The following TRMT1 variants were observed in gnomAD, a reference collection of about 807,000 sequenced individuals.
TRMT1 encodes the protein tRNA methyltransferase 1, also known as tRNA (guanine(26)-N(2))-dimethyltransferase.
TRMT1 carries 63 observed loss-of-function variants against 75.4 expected under a neutral mutation model. The observed-to-expected ratio is 0.84, with a 90% CI of 0.68 to 1.03. The LOEUF is 1.03. Ranked by LOEUF, TRMT1 falls within the 50% of genes least tolerant of loss-of-function variation. TRMT1 has a pLI of 0.00. For synonymous variants in TRMT1, 382 were observed against 358.1 expected, an observed-to-expected ratio of 1.07 and a Z score of -0.75; for missense variants, 870 against 905.3, an observed-to-expected ratio of 0.96 and a Z score of 0.50.
rs1485253492 is a variant in TRMT1, at chr19:13,116,351, C to T, written c.49G>A (p.Val17Met). The T allele has an allele frequency of 1.9e-6, 3 of 1,612,916 alleles. No individual in the cohort carries two copies. The highest frequency in any genetic ancestry group is 1.3e-5 in the African/African-American group (1 of 75,020). ...WLSLTFRSAR[V>M]LSRARFFEWQ... ...TCGAAAAACCGGGCTCTAGAGAGCA[C>T]CCGGGCGGAGCGGAAAGTGAGGCTT... The change falls in exon 2 of 17, where the codon GTG becomes ATG. Residue 17 changes from valine (V) to methionine (M), a missense_variant. Val to Met is a conservative substitution (Grantham distance 21). Transcript: ENST00000357720.
chr19:13,114,984 TAGC>T (rs1394334108), intron 5 of TRMT1, among the ~76,000 whole-genome samples: 3 of 152,220 alleles, frequency 2.0e-5, no homozygotes, highest in Non-Finnish European at 4.4e-5. Flanking sequence ...GCCTGACACA[TAGC>T]AGACACTGGA....
intron 7 of TRMT1, 75 bp from the exon 8 acceptor site, chr19:13,110,381 C>G (rs999591249): frequency 4.7e-6 from 7 of 1,474,800 alleles, no homozygotes; most frequent in Non-Finnish European, 5.4e-6. Flanking sequence ...GTGGTACTCA[C>G]AAGTACAGGC....
intron 5 of TRMT1, among the ~76,000 whole-genome samples, chr19:13,113,566 T>C (rs1568372059): frequency 6.6e-6 from 1 of 152,178 alleles, no homozygotes; most frequent in Non-Finnish European, 1.5e-5. Flanking sequence ...AAGACGTATC[T>C]GCCTGACACC....
intron 14 of TRMT1, among the ~76,000 whole-genome samples, chr19:13,106,909 G>GC (rs1184140297): frequency 3.4e-5 from 5 of 148,994 alleles, no homozygotes; most frequent in East Asian, 2.0e-4. Flanking sequence ...TGCAAGCTCT[G>GC]CCCCCCGGGG....
In TRMT1 at chr19:13,105,030, G is replaced by T; in HGVS notation, c.1885C>A (p.Pro629Thr). The change falls in exon 17 of 17, where the codon CCC becomes ACC. Residue 629 changes from proline to threonine, a missense_variant. Pro to Thr is a conservative substitution (Grantham distance 38). Transcript: ENST00000357720. ...QCCYSHSPPT[P>T]RVSADAAPDC... ...GGGGCAGCATCAGCAGAAACCCTGG[G>T]TGTCGGGGGGCTGTGGGAGTAGCAG... 1 of 1,610,924 alleles carries T rather than the reference G, an allele frequency of 6.2e-7. No individual in the cohort carries two copies. Among genetic ancestry groups the T allele is most frequent in the Non-Finnish European group, 8.5e-7 (1 of 1,178,194 alleles).
chr19:13,112,042 G>A (rs184262272), intron 7 of TRMT1, among the ~76,000 whole-genome samples: 5 of 151,498 alleles, frequency 3.3e-5, no homozygotes, highest in East Asian at 3.9e-4. Flanking sequence ...CCAGGCTGGC[G>A]TGCAGCGGAG....
intron 7 of TRMT1, 66 bp from the exon 8 acceptor site, chr19:13,110,372 T>A: frequency 1.3e-6 from 2 of 1,507,858 alleles, no homozygotes; most frequent in South Asian, 2.5e-5. Flanking sequence ...GAGCCCTATG[T>A]GGTACTCACA....
intron 14 of TRMT1, among the ~76,000 whole-genome samples, chr19:13,106,618 G>A (rs2018880496): frequency 6.6e-6 from 1 of 151,574 alleles, no homozygotes; most frequent in Non-Finnish European, 1.5e-5. Context: ...TGGGACTACA[G>A]GCATGTGCCA....
At chr19:13,115,563 CT>C in intron 4 of TRMT1, 62 bp downstream of exon 4, 1 of 1,608,602 alleles carries the variant, frequency 6.2e-7, no homozygotes, top group Non-Finnish European at 8.5e-7. Flanking sequence ...AGCTCTCCCC[CT>C]CCAGGAGCCC....
In TRMT1 at chr19:13,110,011, G is replaced by A. The variant is rs1411896899; in HGVS notation, c.1020-10C>T. On this transcript the variant is annotated splice_polypyrimidine_tract_variant and intron_variant, in intron 8 of 16. Transcript: ENST00000357720. ...CACCAGCGCCTGCTTGCTGTGGGGG[G>A]TACCAGTGGCCACGAGTTCCCAGCG... 1 of 1,612,804 alleles carries A rather than the reference G, an allele frequency of 6.2e-7. No homozygotes were observed. Among genetic ancestry groups the A allele is most frequent in the African/African-American group, 1.3e-5 (1 of 74,912 alleles).
intron 12 of TRMT1, among the ~76,000 whole-genome samples, chr19:13,108,353 C>T (rs1044598551): frequency 2.0e-5 from 3 of 151,780 alleles, no homozygotes; most frequent in African/African-American, 7.3e-5. Context: ...TGCAATGATG[C>T]AATCTTGGCT....
At chr19:13,107,302 G>C (rs1279716191) in intron 14 of TRMT1, among the ~76,000 whole-genome samples, 1 of 151,528 alleles carries the variant, frequency 6.6e-6, no homozygotes, top group Non-Finnish European at 1.5e-5. Flanking sequence ...ACCATGCCCA[G>C]CTAATTTTTG....
intron 5 of TRMT1, 60 bp downstream of exon 5, chr19:13,115,219 G>C: frequency 6.5e-7 from 1 of 1,529,968 alleles, no homozygotes; most frequent in Non-Finnish European, 8.8e-7. Context: ...ATGTGACAGA[G>C]CCAGAATTTG....
chr19:13,111,699 AT>A (rs552128343), intron 7 of TRMT1, among the ~76,000 whole-genome samples: 81 of 130,936 alleles, frequency 6.2e-4, no homozygotes, highest in South Asian at 1.7e-3. Flanking sequence ...CGCCCGGCCT[AT>A]TTTTTTTTCT....
At chr19:13,112,224 G>A (rs991022869) in intron 7 of TRMT1, among the ~76,000 whole-genome samples, 1 of 150,702 alleles carries the variant, frequency 6.6e-6, no homozygotes, top group Non-Finnish European at 1.5e-5. Context: ...CCTGACCTCA[G>A]GTGATCCACC....
rs1445434218 is a variant in TRMT1 at position 13,110,157 on chromosome 19, C to T, written c.1019+1G>A. The stretch of plus-strand genomic sequence containing the variant: ...CCACCGCTCTCTGCCCCCGGGCTGA[C>T]CTGGCTGAGGCCTTGACCTTGGCCT... On this transcript the variant is annotated splice_donor_variant, in intron 8 of 16. Coordinates refer to ENST00000357720, the MANE Select transcript of TRMT1 (RefSeq NM_001136035.4). LOFTEE classifies it high-confidence loss of function. 2 of 1,612,136 alleles carry T rather than the reference C, an allele frequency of 1.2e-6. No homozygotes were observed. The highest frequency in any genetic ancestry group is 4.5e-5 in the East Asian group (2 of 44,882).
intron 7 of TRMT1, among the ~76,000 whole-genome samples, chr19:13,110,624 C>G (rs2019105106): frequency 6.6e-6 from 1 of 152,222 alleles, no homozygotes; most frequent in South Asian, 2.1e-4. Flanking sequence ...CACGTTCCAG[C>G]CCCCAAGGGC....
intron 11 of TRMT1, 29 bp downstream of exon 11, chr19:13,109,521 C>T: frequency 1.2e-6 from 2 of 1,613,936 alleles, no homozygotes; most frequent in Non-Finnish European, 1.7e-6. Context: ...CAGGTGGAGC[C>T]CCCTTCCCCG....
At chr19:13,111,290 C>T (rs1462521565) in intron 7 of TRMT1, among the ~76,000 whole-genome samples, 2 of 152,158 alleles carry the variant, frequency 1.3e-5, no homozygotes, top group African/African-American at 2.4e-5. Context: ...CCCACCTTGG[C>T]CTCCGAAAGT....
Sources: allele counts gnomAD v4.1 joint callset (sites outside exome capture counted in the v4.1 genomes callset), GRCh38; gene constraint gnomAD v4.1.1; transcripts MANE v1.5; gene names NCBI Gene and HGNC (gene_info 2026-07-23, HGNC 2026-07-21).